The following ZFP1 variants were observed in gnomAD, a reference collection of about 807,000 sequenced individuals.
ZFP1 encodes ZFP1 zinc finger protein.
In ZFP1, 32 loss-of-function variants were observed where a neutral mutation model predicts 38.5. The observed-to-expected ratio is 0.83, with a 90% CI of 0.63 to 1.12. The LOEUF is 1.12. Ranked by LOEUF, ZFP1 falls within the 50% of genes most tolerant of loss-of-function variation. ZFP1 has a pLI of 0.00. For missense variants in ZFP1, 616 were observed against 480.8 expected (o/e 1.28, Z -2.63); for synonymous variants, 245 against 168.8 (o/e 1.45, Z -3.50).
At chr16:75,161,757 A>AAAATATATATATATATATATAT (rs1555523069) in intron 2 of ZFP1, among the ~76,000 whole-genome samples, 3 of 14,294 alleles carry the variant, frequency 2.1e-4, no homozygotes, top group African/African-American at 8.0e-4. Flanking sequence ...AGTTTTATGA[A>AAAATATATATATATATATATAT]ATATATATAT....
At chr16:75,159,774 C>A (rs1326094051) in intron 2 of ZFP1, among the ~76,000 whole-genome samples, 4 of 152,082 alleles carry the variant, frequency 2.6e-5, no homozygotes, top group African/African-American at 9.7e-5. Context: ...ATACATAGCT[C>A]CTTCTAAAAA....
At chr16:75,125,255 T>C in the ZFP1 span, among the ~76,000 whole-genome samples, 1 of 152,080 alleles carries the variant, frequency 6.6e-6, no homozygotes, top group African/African-American at 2.4e-5. Flanking sequence ...CAAGACTCTA[T>C]CTCGAAAAAA....
chr16:75,139,495 C>T, the ZFP1 span, among the ~76,000 whole-genome samples: 2 of 151,618 alleles, frequency 1.3e-5, no homozygotes, highest in Non-Finnish European at 2.9e-5. Flanking sequence ...AGTTTGAGAC[C>T]AGCCTGGGCA....
At chr16:75,127,264 G>A in the ZFP1 span, among the ~76,000 whole-genome samples, 2 of 151,758 alleles carry the variant, frequency 1.3e-5, no homozygotes, top group African/African-American at 4.8e-5. Flanking sequence ...TCTTTTTTTG[G>A]GCAGGGAAAG....
chr16:75,148,094 C>A (rs1022668036), upstream of ZFP1, among the ~76,000 whole-genome samples: 1 of 152,070 alleles, frequency 6.6e-6, no homozygotes, highest in Non-Finnish European at 1.5e-5. Context: ...GCACATGATA[C>A]CTTTATGGCC....
At chr16:75,152,556 C>G (rs1289060336) in intron 1 of ZFP1, among the ~76,000 whole-genome samples, 2 of 152,148 alleles carry the variant, frequency 1.3e-5, no homozygotes, top group South Asian at 2.1e-4. Flanking sequence ...CTGAAATTCC[C>G]TATTTGTTTA....
chr16:75,164,197 G>A (rs1394061866), intron 2 of ZFP1, among the ~76,000 whole-genome samples: 2 of 152,000 alleles, frequency 1.3e-5, no homozygotes, highest in Non-Finnish European at 2.9e-5. Context: ...TTTAAAATTT[G>A]CCTCTTGTAA....
intron 2 of ZFP1, among the ~76,000 whole-genome samples, chr16:75,158,694 G>T (rs1360236585): frequency 6.8e-6 from 1 of 147,350 alleles, no homozygotes; most frequent in East Asian, 2.0e-4. Flanking sequence ...TTTATTTTTA[G>T]TTGTCCTGTG....
the ZFP1 span, among the ~76,000 whole-genome samples, chr16:75,125,616 C>A: frequency 6.6e-6 from 1 of 152,022 alleles, no homozygotes; most frequent in South Asian, 2.1e-4. Flanking sequence ...AGCCACCGTG[C>A]CCAGCTGGAA....
At position 75,152,901 on chromosome 16, in the gene ZFP1, T is replaced by C; in HGVS notation, c.-43-8T>C. The C allele has an allele frequency of 6.2e-7, 1 of 1,611,122 alleles. No homozygotes were observed. The highest frequency in any genetic ancestry group is 8.5e-7 in the Non-Finnish European group (1 of 1,178,920). On this transcript the variant is annotated splice_polypyrimidine_tract_variant and splice_region_variant and intron_variant, in intron 1 of 3. Coordinates refer to ENST00000570010, the MANE Select transcript of ZFP1 (RefSeq NM_153688.4). ...AATAACAATGCCTTCCTTTTTCCTC[T>C]ATTCCAGTTCTGCCTTCATAGTTCT...
chr16:75,142,309 G>C, the ZFP1 span, among the ~76,000 whole-genome samples: 11 of 151,664 alleles, frequency 7.3e-5, no homozygotes, highest in African/African-American at 2.7e-4. Flanking sequence ...GGAAGTTGCA[G>C]TGAGCTGAGA....
At chr16:75,122,696 A>C in the ZFP1 span, among the ~76,000 whole-genome samples, 1 of 152,268 alleles carries the variant, frequency 6.6e-6, no homozygotes, top group Admixed American at 6.5e-5. Context: ...TTGTGGCTTT[A>C]GGCAGTCCGG....
chr16:75,146,354 A>T (rs907129125), upstream of ZFP1, among the ~76,000 whole-genome samples: 1 of 151,954 alleles, frequency 6.6e-6, no homozygotes, highest in Non-Finnish European at 1.5e-5. Context: ...TTTTTATTAG[A>T]GACAGGGTTT....
Position 75,162,798 on chromosome 16 carries a change from A to T in ZFP1, c.16-3972A>T, listed in dbSNP as rs370859980. 3.3e-5 allele frequency among the ~76,000 whole-genome samples: 5 copies of T among 152,236 alleles called. No individual in the cohort carries two copies. In the East Asian group the frequency reaches 5.8e-4, roughly 18 times the overall value. On this transcript the variant is annotated intron_variant, in intron 2 of 3. Coordinates refer to ENST00000570010, the MANE Select transcript of ZFP1 (RefSeq NM_153688.4). Reference sequence around the variant, plus strand: ...TGTTTGTGTTAATTCAGTTAGGTTAATACCCTCCACCTGCATCCATGTTGC... The same window carrying T: ...TGTTTGTGTTAATTCAGTTAGGTTATTACCCTCCACCTGCATCCATGTTGC...
chr16:75,145,155 A>G (rs888132648), upstream of ZFP1, among the ~76,000 whole-genome samples: 2 of 152,246 alleles, frequency 1.3e-5, no homozygotes, highest in Non-Finnish European at 2.9e-5. Context: ...TAATGCTGCT[A>G]TGAACATTGG....
chr16:75,166,518 T>C (rs7200789), intron 2 of ZFP1: 916,977 of 984,432 alleles, frequency 0.93, 427,259 homozygotes, highest in African/African-American at 0.99. Context: ...TGTGAGCCAC[T>C]ATGCCTGGCC....
At chr16:75,152,590 T>G (rs1054945856) in intron 1 of ZFP1, among the ~76,000 whole-genome samples, 3 of 152,252 alleles carry the variant, frequency 2.0e-5, no homozygotes, top group African/African-American at 7.2e-5. Context: ...CCTTTTCTAG[T>G]AAAGCCTTTA....
chr16:75,161,786 T>TTTTTTTC (rs2037803509), intron 2 of ZFP1, among the ~76,000 whole-genome samples: 1 of 27,114 alleles, frequency 3.7e-5, no homozygotes, highest in Non-Finnish European at 7.7e-5. Flanking sequence ...TTTTTTTTTT[T>TTTTTTTC]TTTTTTTTTT....
Position 75,152,914 on chromosome 16 carries a change from C to G in ZFP1, c.-38C>G, listed in dbSNP as rs191305647. On this transcript the variant is annotated 5_prime_UTR_variant, in exon 2 of 4. Transcript: ENST00000570010. ...TCCTTTTTCCTCTATTCCAGTTCTGCCTTCATAGTTCTCTGCCTTTGCCCA... is the reference window on the plus strand; with the variant it reads ...TCCTTTTTCCTCTATTCCAGTTCTGGCTTCATAGTTCTCTGCCTTTGCCCA... 2 of 1,612,840 alleles carry G rather than the reference C, an allele frequency of 1.2e-6. No individual in the cohort carries two copies. Among genetic ancestry groups the G allele is most frequent in the African/African-American group, 2.7e-5 (2 of 74,962 alleles).
Sources: allele counts gnomAD v4.1 joint callset (sites outside exome capture counted in the v4.1 genomes callset), GRCh38; gene constraint gnomAD v4.1.1; transcripts MANE v1.5; gene names NCBI Gene and HGNC (gene_info 2026-07-23, HGNC 2026-07-21).